FBXO34: variants seen among roughly 807,000 people sequenced by gnomAD.
The protein encoded by FBXO34 is F-box protein 34.
Under a neutral mutation model 24.5 loss-of-function variants are expected in FBXO34, and 12 were observed. The ratio of observed to expected loss-of-function variants is 0.49; its 90% CI spans 0.31 to 0.79. FBXO34 has a LOEUF of 0.79. Ranked by LOEUF, FBXO34 falls within the 30% of genes least tolerant of loss-of-function variation. FBXO34 has a pLI of 0.04. For missense variants in FBXO34, 823 were observed against 857.7 expected (o/e 0.96, Z 0.51); for synonymous variants, 320 against 311.9 (o/e 1.03, Z -0.27).
downstream of FBXO34, chr14:55,366,691 C>G (rs746693048): frequency 6.6e-6 from 1 of 152,502 alleles, no homozygotes; most frequent in Non-Finnish European, 1.5e-5. Context: ...TTTAAGCAGC[C>G]TGTTTGGTGC....
At chr14:55,380,450 T>C in the FBXO34 span, 1 of 654,982 alleles carries the variant, frequency 1.5e-6, no homozygotes, top group Non-Finnish European at 2.7e-6. Context: ...AATATTTCAA[T>C]CCGACCTTCT....
At chr14:55,367,455 A>G (rs1404607229) in exon 3 of FBXO34, 1 of 152,220 alleles carries the variant, frequency 6.6e-6, no homozygotes, top group African/African-American at 2.4e-5. Context: ...AGAAGAACCC[A>G]TAAGGGGCCG....
intron 1 of FBXO34, among the ~76,000 whole-genome samples, chr14:55,300,862 A>C (rs998105173): frequency 2.1e-4 from 32 of 152,214 alleles, no homozygotes; most frequent in African/African-American, 7.5e-4. Context: ...AGAATGAATG[A>C]TGTGTTTTTA....
the FBXO34 span, among the ~76,000 whole-genome samples, chr14:55,430,056 C>T: frequency 6.6e-6 from 1 of 152,088 alleles, no homozygotes; most frequent in Non-Finnish European, 1.5e-5. Flanking sequence ...AAGTGTCTGT[C>T]CTGCTGCACC....
the FBXO34 span, among the ~76,000 whole-genome samples, chr14:55,401,443 C>A: frequency 6.6e-6 from 1 of 151,996 alleles, no homozygotes; most frequent in Non-Finnish European, 1.5e-5. Context: ...GTGCTGTTTT[C>A]TGAAAGAAAT....
chr14:55,273,431 T>C (rs1041725735), intron 1 of FBXO34, among the ~76,000 whole-genome samples: 2 of 152,232 alleles, frequency 1.3e-5, no homozygotes, highest in Non-Finnish European at 2.9e-5. Context: ...TTGTGTGCGC[T>C]ACTGAAAGTT....
intron 1 of FBXO34, among the ~76,000 whole-genome samples, chr14:55,284,689 T>C (rs979519527): frequency 6.8e-6 from 1 of 147,696 alleles, no homozygotes; most frequent in African/African-American, 2.5e-5. Context: ...CATTCTTAGC[T>C]CACTGCACCT....
chr14:55,411,839 A>G, the FBXO34 span: 52 of 1,568,402 alleles, frequency 3.3e-5, no homozygotes, highest in Non-Finnish European at 4.1e-5. Flanking sequence ...CTGAGAGGAG[A>G]GCCAGTCACG....
chr14:55,416,439 G>A, the FBXO34 span, among the ~76,000 whole-genome samples: 3 of 151,560 alleles, frequency 2.0e-5, no homozygotes, highest in Admixed American at 2.0e-4. Flanking sequence ...AAAAATAAAG[G>A]AAAAAAATAA....
At chr14:55,421,495 A>G in the FBXO34 span, among the ~76,000 whole-genome samples, 43,842 of 152,048 alleles carry the variant, frequency 0.29, 8,473 homozygotes, top group African/African-American at 0.56. Flanking sequence ...ATGAAGTCTC[A>G]CTCTGTCACC....
chr14:55,328,388 A>C (rs1023514988), intron 1 of FBXO34, among the ~76,000 whole-genome samples: 19 of 152,196 alleles, frequency 1.2e-4, no homozygotes, highest in African/African-American at 2.7e-4. Context: ...ATTAAGTAAA[A>C]TAAGGGTTAC....
chr14:55,427,497 G>A, the FBXO34 span, among the ~76,000 whole-genome samples: 1 of 152,146 alleles, frequency 6.6e-6, no homozygotes, highest in Non-Finnish European at 1.5e-5. Flanking sequence ...TCTATTGACG[G>A]GATAATCATT....
rs1219645375 is a variant in FBXO34, at chr14:55,316,429, T to TA, written c.-10-33939dup. 4.0e-3 allele frequency among the ~76,000 whole-genome samples: 484 copies of TA among 121,826 alleles called. 5 individuals carry two copies. Among genetic ancestry groups the TA allele is most frequent in the East Asian group, 0.013 (57 of 4,304 alleles). The allele number at this position is 121,826 out of a possible 152,430, so 79.9% of individuals were successfully genotyped here. On this transcript the variant is annotated intron_variant, in intron 1 of 1. Transcript: ENST00000313833. ...TGGTGAAACCCTGTCTCTACAAAAA[T>TA]AAAAAAAAAAAAATTAGCTGGGTGT...
At chr14:55,417,710 C>T in the FBXO34 span, among the ~76,000 whole-genome samples, 192 of 152,292 alleles carry the variant, frequency 1.3e-3, 1 homozygote, top group African/African-American at 4.2e-3. Flanking sequence ...GATCTGCCCA[C>T]CTTGGCCTCC....
the FBXO34 span, among the ~76,000 whole-genome samples, chr14:55,400,211 A>G: frequency 6.6e-6 from 1 of 152,216 alleles, no homozygotes; most frequent in Non-Finnish European, 1.5e-5. Context: ...AGAAGGAGAT[A>G]AAAAATTCAT....
At chr14:55,407,124 G>A in the FBXO34 span, among the ~76,000 whole-genome samples, 1 of 151,956 alleles carries the variant, frequency 6.6e-6, no homozygotes, top group African/African-American at 2.4e-5. Context: ...ACAACACCCA[G>A]CTAATTTTTG....
At chr14:55,381,126 T>C in the FBXO34 span, among the ~76,000 whole-genome samples, 1 of 152,086 alleles carries the variant, frequency 6.6e-6, no homozygotes, top group African/African-American at 2.4e-5. Context: ...CCACTCAATG[T>C]ACAGCATCTC....
At chr14:55,382,222 AAG>A in the FBXO34 span, 13 of 1,606,208 alleles carry the variant, frequency 8.1e-6, no homozygotes, top group South Asian at 3.3e-5. Flanking sequence ...ACGGATTTTC[AAG>A]AGAGAGGGTT....
At chr14:55,433,309 C>CTTT in the FBXO34 span, among the ~76,000 whole-genome samples, 1,756 of 119,774 alleles carry the variant, frequency 0.015, 60 homozygotes, top group African/African-American at 0.055. Flanking sequence ...TTAGATTTCT[C>CTTT]TTTTTTTTTT....
Sources: gnomAD v4.1 joint callset for allele counts (sites outside exome capture counted in the v4.1 genomes callset) on GRCh38, gnomAD v4.1.1 for gene constraint, MANE v1.5 for transcripts, NCBI Gene and HGNC (gene_info 2026-07-23, HGNC 2026-07-21) for gene names.